BFSP2: variants seen among roughly 807,000 people sequenced by gnomAD.
BFSP2 encodes the protein phakinin.
BFSP2 carries 38 observed loss-of-function variants against 44.9 expected under a neutral mutation model. The observed-to-expected ratio is 0.85, with a 90% confidence interval of 0.65 to 1.11. The LOEUF is 1.11. Among genes scored for constraint, BFSP2 ranks in the 50% least tolerant of loss-of-function variants. BFSP2 has a pLI of 0.00. For missense variants in BFSP2, 525 were observed against 533.0 expected (o/e 0.99, Z 0.15); for synonymous variants, 197 against 209.9 (o/e 0.94, Z 0.53).
intron 4 of BFSP2, chr3:133,455,543 G>C (rs2074005741): frequency 6.6e-6 from 1 of 152,158 alleles, no homozygotes; most frequent in African/African-American, 2.4e-5. Flanking sequence ...CTCCTCTTTT[G>C]ATCAGCTCAG....
chr3:133,468,526 G>C (rs530560943), intron 5 of BFSP2, among the ~76,000 whole-genome samples: 1 of 152,252 alleles, frequency 6.6e-6, no homozygotes, highest in South Asian at 2.1e-4. Flanking sequence ...AGCTTCTCTG[G>C]TGACTCAATT....
chr3:133,412,197 T>TA lies in BFSP2; in HGVS notation c.489+11625_489+11626insA, dbSNP rs2073460674. On this transcript the variant is annotated intron_variant, in intron 1 of 6. Coordinates refer to ENST00000302334, the MANE Select transcript of BFSP2 (RefSeq NM_003571.4). The stretch of plus-strand genomic sequence containing the variant: ...AAGTAAAACAAAATAGGCCACGTGC[T>TA]TATAATCAAGGAAGCTGGGTGATGC... 2.0e-5 allele frequency: 3 copies of TA among 152,320 alleles called. No homozygotes were observed. In the South Asian group the frequency reaches 6.2e-4, roughly 32 times the overall value. The allele number at this position is 152,320 out of a possible 1,614,324, so 9.4% of individuals were successfully genotyped here. A position where few individuals can be genotyped will look rare whatever the true frequency, so the allele number is the denominator to read the frequency against.
At position 133,470,558 on chromosome 3, in the gene BFSP2, G is replaced by C. The variant is rs570185420; in HGVS notation, c.1024-1787G>C. Among the ~76,000 whole-genome samples, 308 of 152,326 alleles carry C rather than the reference G, an allele frequency of 2.0e-3. 2 individuals carry two copies. Among genetic ancestry groups the C allele is most frequent in the African/African-American group, 7.0e-3 (293 of 41,580 alleles). On this transcript the variant is annotated intron_variant, in intron 5 of 6. Coordinates refer to ENST00000302334, the MANE Select transcript of BFSP2 (RefSeq NM_003571.4). The stretch of plus-strand genomic sequence containing the variant: ...GTTTTTTAAAGGGGTTTATTGATTA[G>C]CTCTGTAGTTTTCAGGACATGGTGC...
chr3:133,405,519 C>A (rs72980050), intron 1 of BFSP2, among the ~76,000 whole-genome samples: 1 of 151,870 alleles, frequency 6.6e-6, no homozygotes, highest in East Asian at 1.9e-4. Context: ...CTAGAAGGCT[C>A]TCTTTTTAGA....
At chr3:133,415,499 C>G (rs2073514346) in intron 1 of BFSP2, among the ~76,000 whole-genome samples, 1 of 127,668 alleles carries the variant, frequency 7.8e-6, no homozygotes, top group Non-Finnish European at 1.6e-5. Flanking sequence ...CACCCCTGCC[C>G]TCTCCCTATT....
In BFSP2 at chr3:133,444,614, GCC is replaced by G. The variant is rs1160777775; in HGVS notation, c.490-2700_490-2699del. ...TGAGGGAGGAAGAGAATCAGCAAAGGCCCCACCATGCTCTCTACAGCTCAGGA... is the reference window on the plus strand; with the variant it reads ...TGAGGGAGGAAGAGAATCAGCAAAGGCCACCATGCTCTCTACAGCTCAGGA... On this transcript the variant is annotated intron_variant, in intron 1 of 6. Transcript: ENST00000302334. Among the ~76,000 whole-genome samples the G allele has an allele frequency of 4.6e-5, 7 of 152,194 alleles. No individual in the cohort carries two copies. The East Asian group carries it at 1.4e-3, about 29-fold the overall frequency.
intron 5 of BFSP2, 146 bp downstream of exon 5, chr3:133,467,105 A>G (rs2074117831): frequency 1.8e-6 from 2 of 1,139,610 alleles, no homozygotes; most frequent in Non-Finnish European, 1.3e-6. Context: ...CTGACTCCCA[A>G]GGATCATCAG....
intron 4 of BFSP2, among the ~76,000 whole-genome samples, chr3:133,456,730 AAC>A (rs1292218929): frequency 6.6e-6 from 1 of 152,180 alleles, no homozygotes; most frequent in Non-Finnish European, 1.5e-5. Context: ...CAGCCTGGAC[AAC>A]AGAGTGAGAC....
intron 1 of BFSP2, among the ~76,000 whole-genome samples, chr3:133,424,883 G>T (rs564431364): frequency 6.6e-6 from 1 of 152,056 alleles, no homozygotes; most frequent in African/African-American, 2.4e-5. Context: ...GATCCGCTAG[G>T]CTCAGCCTCC....
Position 133,400,229 on chromosome 3 carries a change from G to T in BFSP2, c.146G>T (p.Gly49Val). 1 of 1,613,978 alleles carries T rather than the reference G, an allele frequency of 6.2e-7. No individual in the cohort carries two copies. Among genetic ancestry groups the T allele is most frequent in the East Asian group, 2.2e-5 (1 of 44,872 alleles). Residue 49 changes from glycine (G) to valine (V), a missense_variant, in exon 1 of 7, where the codon GGC becomes GTC. Transcript: ENST00000302334. This position sits in a 1 kb window ranked among gnomAD's most constrained non-coding sequence, Gnocchi z 4.0. Reference protein sequence around the residue: ...PPASRTNAMSGLVRAPGVYVG... With the variant: ...PPASRTNAMSVLVRAPGVYVG... ...GCCTCCAGGACCAATGCCATGAGTG[G>T]CCTTGTCCGAGCACCCGGGGTCTAT...
intron 5 of BFSP2, among the ~76,000 whole-genome samples, chr3:133,469,681 G>A (rs754460947): frequency 3.3e-5 from 5 of 152,242 alleles, no homozygotes; most frequent in Non-Finnish European, 7.3e-5. Context: ...GCCTGCAACA[G>A]TAGCCTGATC....
rs144631686 is a variant in BFSP2 at position 133,426,095 on chromosome 3, C to T, written c.490-21222C>T. On this transcript the variant is annotated intron_variant, in intron 1 of 6. Coordinates refer to ENST00000302334, the MANE Select transcript of BFSP2 (RefSeq NM_003571.4). ...AAGTTAGTGTCACAGCATCTGGGTC[C>T]GGCTAACATTAAAGTCAGATTCTTT... is the stretch of plus-strand genomic sequence containing the variant. Among the ~76,000 whole-genome samples the T allele has an allele frequency of 4.7e-3, 683 of 146,670 alleles. 9 individuals are homozygous for T. The East Asian group carries it at 0.065, about 14-fold the overall frequency.
intron 1 of BFSP2, among the ~76,000 whole-genome samples, chr3:133,442,686 T>C (rs1369444296): frequency 2.6e-5 from 4 of 151,824 alleles, no homozygotes; most frequent in African/African-American, 9.7e-5. Context: ...TTGAGATACA[T>C]TGTGGGGGTA....
intron 1 of BFSP2, among the ~76,000 whole-genome samples, chr3:133,430,325 C>T (rs1277814324): frequency 5.3e-5 from 8 of 151,240 alleles, no homozygotes; most frequent in African/African-American, 7.3e-5. Flanking sequence ...CCTGAGGAAT[C>T]GCCACACTGA....
intron 1 of BFSP2, among the ~76,000 whole-genome samples, chr3:133,439,785 T>G (rs570727363): frequency 6.6e-6 from 1 of 152,238 alleles, no homozygotes; most frequent in African/African-American, 2.4e-5. Context: ...ACAGACTTCA[T>G]AGGACAAGGG....
chr3:133,456,083 G>C (rs554231601), intron 4 of BFSP2, among the ~76,000 whole-genome samples: 2 of 152,264 alleles, frequency 1.3e-5, no homozygotes, highest in East Asian at 1.9e-4. Flanking sequence ...GTGGTTGCCC[G>C]GATGTGAGAG....
At chr3:133,470,946 G>A (rs984539545) in intron 5 of BFSP2, among the ~76,000 whole-genome samples, 1 of 152,210 alleles carries the variant, frequency 6.6e-6, no homozygotes, top group Non-Finnish European at 1.5e-5. Flanking sequence ...TTGGACTTGG[G>A]GATGAGTAGG....
At chr3:133,430,565 G>A (rs550786741) in intron 1 of BFSP2, among the ~76,000 whole-genome samples, 17 of 152,162 alleles carry the variant, frequency 1.1e-4, no homozygotes, top group African/African-American at 2.9e-4. Flanking sequence ...GCCAGAAAAC[G>A]GCACTTTCAA....
chr3:133,455,972 A>T (rs1404587474), intron 4 of BFSP2, among the ~76,000 whole-genome samples: 1 of 152,136 alleles, frequency 6.6e-6, no homozygotes, highest in African/African-American at 2.4e-5. Flanking sequence ...AGCTGACTCC[A>T]CACTTTCATT....
Sources: allele counts gnomAD v4.1 joint callset (sites outside exome capture counted in the v4.1 genomes callset), GRCh38; gene constraint gnomAD v4.1.1; non-coding constraint Gnocchi (gnomAD v3.1); transcripts MANE v1.5; gene names NCBI Gene and HGNC (gene_info 2026-07-23, HGNC 2026-07-21).